The following PCSK1 variants were observed in gnomAD, a reference collection of about 807,000 sequenced individuals.
PCSK1 encodes the protein neuroendocrine convertase 1.
A neutral mutation model predicts 90.6 loss-of-function variants in PCSK1; 56 were observed. That is an observed-to-expected ratio of 0.62 (90% CI 0.50 to 0.77). The LOEUF (loss-of-function observed/expected upper bound fraction) is 0.77. Ranked by LOEUF, PCSK1 falls within the 30% of genes least tolerant of loss-of-function variation. The pLI is 0.00. For synonymous variants in PCSK1, 348 were observed against 342.4 expected, an observed-to-expected ratio of 1.02 and a Z score of -0.18; for missense variants, 801 against 932.6, an observed-to-expected ratio of 0.86 and a Z score of 1.84.
chr5:96,412,763 T>TG (rs1197414604), intron 6 of PCSK1, among the ~76,000 whole-genome samples: 14 of 144,604 alleles, frequency 9.7e-5, no homozygotes, highest in South Asian at 4.4e-4. Context: ...TTTTTTTTTT[T>TG]TTTTTTTTTT....
In PCSK1 at chr5:96,423,333, T is replaced by A; in HGVS notation, c.523A>T (p.Thr175Ser). Residue 175 changes from threonine (T) to serine (S), a missense_variant, in exon 4 of 14, where the codon ACG becomes TCG. Physicochemically the swap from Thr to Ser is moderately conservative, Grantham distance 58. Transcript: ENST00000311106. ...CTTACATAGTTGGCATAAATGTCCG[T>A]GTGATTCCACTCCAAACCATCATCC... ...VLDDGLEWNHTDIYANYDPEA... is the reference protein window; with the variant it reads ...VLDDGLEWNHSDIYANYDPEA... The A allele has an allele frequency of 6.2e-7, 1 of 1,611,888 alleles. No individual in the cohort carries two copies. The highest frequency in any genetic ancestry group is 1.1e-5 in the South Asian group (1 of 90,524).
intron 9 of PCSK1, 48 bp from the exon 10 acceptor site, chr5:96,400,234 C>A (rs762796555): frequency 2.9e-6 from 4 of 1,375,856 alleles, no homozygotes; most frequent in Non-Finnish European, 4.2e-6. Context: ...AATGAAGTTT[C>A]CTTGCAAAAG....
rs761355746 is a variant in PCSK1, at chr5:96,416,139, A to T, written c.621-18T>A. On this transcript the variant is annotated intron_variant, in intron 5 of 13. Transcript: ENST00000311106. The stretch of plus-strand genomic sequence containing the variant: ...TCCCGTGTCTGAGGATTGAAAAATA[A>T]GAATTATAAAACATACAGAAGAACA... 2.5e-5 allele frequency: 38 copies of T among 1,532,082 alleles called. No individual in the cohort carries two copies. Among genetic ancestry groups the T allele is most frequent in the Non-Finnish European group, 3.3e-5 (37 of 1,105,454 alleles). The allele number at this position is 1,532,082 out of a possible 1,614,324, so 94.9% of individuals were successfully genotyped here. A position where few individuals can be genotyped will look rare whatever the true frequency, so the allele number is the denominator to read the frequency against.
chr5:96,410,074 C>T (rs778447564), intron 8 of PCSK1, among the ~76,000 whole-genome samples: 2 of 152,072 alleles, frequency 1.3e-5, no homozygotes, highest in Non-Finnish European at 2.9e-5. Flanking sequence ...AATTGGGGGC[C>T]TTACATTTTT....
intron 10 of PCSK1, 34 bp from the exon 11 acceptor site, chr5:96,399,070 T>C (rs768285552): frequency 1.6e-4 from 237 of 1,525,698 alleles, no homozygotes; most frequent in Non-Finnish European, 2.1e-4. Context: ...TTGAATAAAG[T>C]ATATCCAAAC....
chr5:96,396,432 G>A (rs1760147665), intron 12 of PCSK1, among the ~76,000 whole-genome samples: 1 of 151,900 alleles, frequency 6.6e-6, no homozygotes, highest in South Asian at 2.1e-4. Flanking sequence ...TTGGTGGTGG[G>A]TACCTGTAAT....
At chr5:96,415,736 T>C (rs1255102574) in intron 6 of PCSK1, among the ~76,000 whole-genome samples, 1 of 152,166 alleles carries the variant, frequency 6.6e-6, no homozygotes, top group Non-Finnish European at 1.5e-5. Context: ...AAGCACTCAA[T>C]AACAAACCAT....
rs756265370 is a variant in PCSK1, at chr5:96,393,297, C to A, written c.1966G>T (p.Asp656Tyr). 6.2e-7 allele frequency: 1 copy of A among 1,614,062 alleles called. No homozygotes were observed. The highest frequency in any genetic ancestry group is 8.5e-7 in the Non-Finnish European group (1 of 1,179,960). Residue 656 changes from aspartate (D) to tyrosine (Y), a missense_variant, in exon 14 of 14, where the codon GAT (aspartate) becomes TAT (tyrosine). Asp to Tyr is a radical substitution (Grantham distance 160). Transcript: ENST00000311106. ...GAAGGGGCTCCCTCCTCCAACTCAT[C>A]CCTCCGGCCCCCTACGCTGCTGCTG... ...PSSSSVGGRR[D>Y]ELEEGAPSQA...
intron 5 of PCSK1, 64 bp from the exon 6 acceptor site, chr5:96,416,185 A>G (rs538670840): frequency 1.9e-6 from 2 of 1,074,570 alleles, no homozygotes; most frequent in African/African-American, 3.1e-5. Context: ...TTGCATATGA[A>G]TGAATTAATG....
At position 96,425,939 on chromosome 5, in the gene PCSK1, AT is replaced by A; in HGVS notation, c.286-10del. ...TGTTCAGCCCATATCACCTACAAGG[AT>A]TTTTATAGCAAGAAAATCAAAAGTC... is the stretch of plus-strand genomic sequence containing the variant. On this transcript the variant is annotated splice_polypyrimidine_tract_variant and intron_variant, in intron 2 of 13. Transcript: ENST00000311106. The A allele has an allele frequency of 1.9e-6, 3 of 1,539,038 alleles. No individual in the cohort carries two copies. The highest frequency in any genetic ancestry group is 1.8e-6 in the Non-Finnish European group (2 of 1,112,674).
intron 1 of PCSK1, among the ~76,000 whole-genome samples, chr5:96,431,768 C>A (rs147455539): frequency 1.3e-5 from 2 of 152,342 alleles, no homozygotes; most frequent in Non-Finnish European, 2.9e-5. Context: ...GCCGATTACT[C>A]ATCCGTGACT....
intron 9 of PCSK1, 109 bp downstream of exon 9, chr5:96,408,114 G>T (rs901840032): frequency 4.0e-6 from 3 of 755,478 alleles, no homozygotes; most frequent in Non-Finnish European, 2.3e-6. Flanking sequence ...ATCTTTATTT[G>T]CAGTATTCCA....
At chr5:96,400,456 A>G (rs1410890692) in intron 9 of PCSK1, among the ~76,000 whole-genome samples, 3 of 152,240 alleles carry the variant, frequency 2.0e-5, no homozygotes, top group Non-Finnish European at 4.4e-5. Context: ...CCTCAGCAAT[A>G]TAGAAGTATA....
rs532611918 is a variant in PCSK1, at chr5:96,394,740, T to C, written c.1884+124A>G. On this transcript the variant is annotated intron_variant, in intron 13 of 13. Coordinates refer to ENST00000311106, the MANE Select transcript of PCSK1 (RefSeq NM_000439.5). ...TATGGAAAAGAATAGTTTACCACTA[T>C]CACTTCTTATCCTCCCCATCCATGT... is the stretch of plus-strand genomic sequence containing the variant. 1.1e-5 allele frequency: 9 copies of C among 833,218 alleles called. No homozygotes were observed. The East Asian group carries it at 2.2e-4, about 20-fold the overall frequency. 51.6% of individuals were successfully genotyped at this position (833,218 alleles called of 1,614,324 possible).
At chr5:96,400,993 A>C (rs1336017425) in intron 9 of PCSK1, among the ~76,000 whole-genome samples, 1 of 146,202 alleles carries the variant, frequency 6.8e-6, no homozygotes, top group Non-Finnish European at 1.5e-5. Flanking sequence ...AGGCTGAGGC[A>C]GGAGAATGGC....
At chr5:96,414,070 C>T (rs181467786) in intron 6 of PCSK1, among the ~76,000 whole-genome samples, 3,252 of 142,790 alleles carry the variant, frequency 0.023, 118 homozygotes, top group African/African-American at 0.081. Flanking sequence ...ACCCGGGAGG[C>T]GGAGCTTGCA....
chr5:96,415,393 C>T (rs1760909080), intron 6 of PCSK1, among the ~76,000 whole-genome samples: 1 of 152,178 alleles, frequency 6.6e-6, no homozygotes, highest in Admixed American at 6.5e-5. Context: ...TGACTTCTTC[C>T]CTTTGCTCCT....
Position 96,411,001 on chromosome 5 carries a change from A to G in PCSK1, c.883-15T>C. ...CCCTGTCTCCCCTAAAGGAAAAGCC[A>G]GAATGCATATTATCTGTTATCATCT... is the stretch of plus-strand genomic sequence containing the variant. On this transcript the variant is annotated splice_polypyrimidine_tract_variant and intron_variant, in intron 7 of 13. Transcript: ENST00000311106. The G allele has an allele frequency of 6.4e-7, 1 of 1,572,894 alleles. No individual in the cohort carries two copies. The highest frequency in any genetic ancestry group is 8.7e-7 in the Non-Finnish European group (1 of 1,143,456).
chr5:96,429,183 T>C (rs1561378574), intron 2 of PCSK1, 30 bp downstream of exon 2: 1 of 1,082,586 alleles, frequency 9.2e-7, no homozygotes, highest in Admixed American at 1.7e-5. Flanking sequence ...AGCTAGAGTA[T>C]TGGTTTGAAG....
Sources: gnomAD v4.1 joint callset for allele counts (sites outside exome capture counted in the v4.1 genomes callset) on GRCh38, gnomAD v4.1.1 for gene constraint, MANE v1.5 for transcripts, NCBI Gene and HGNC (gene_info 2026-07-23, HGNC 2026-07-21) for gene names.